Variants in STOM observed in about 807,000 individuals in gnomAD.
STOM encodes the protein erythrocyte band 7 integral membrane protein.
In STOM, 25 loss-of-function variants were observed where a neutral mutation model predicts 30.6. The ratio of observed to expected loss-of-function variants is 0.82; its 90% CI spans 0.60 to 1.14. The LOEUF (loss-of-function observed/expected upper bound fraction) is 1.14, where lower values mean the gene tolerates loss of function less well. Ranked by LOEUF, STOM falls within the 50% of genes most tolerant of loss-of-function variation. The probability of loss-of-function intolerance (pLI) is 0.00; values close to 1 mark genes in which losing one functional copy is unlikely to be tolerated. For missense variants in STOM, 292 were observed against 365.2 expected, an observed-to-expected ratio of 0.80 and a Z score of 1.63; for synonymous variants, 118 against 130.8, an observed-to-expected ratio of 0.90 and a Z score of 0.67.
chr9:121,363,998 G>GT (rs1484836319), intron 1 of STOM, among the ~76,000 whole-genome samples: 1 of 152,074 alleles, frequency 6.6e-6, no homozygotes, highest in Non-Finnish European at 1.5e-5. Context: ...CTATAACTAA[G>GT]TTTTTCAAAT....
rs373037666 is a variant in STOM, at chr9:121,341,657, G to A, written c.661-249C>T. ...CTATAGCCTTTCTCCCATTTTCCAG[G>A]GTAACAAACAAAGGGATAATTCAAA... On this transcript the variant is annotated intron_variant, in intron 6 of 6. Transcript: ENST00000286713. Among the ~76,000 whole-genome samples the A allele has an allele frequency of 2.0e-5, 3 of 152,034 alleles. No individual in the cohort carries two copies. In the South Asian group the frequency reaches 6.2e-4, roughly 32 times the overall value.
chr9:121,360,026 TC>T (rs2064434994), intron 1 of STOM, among the ~76,000 whole-genome samples: 1 of 152,242 alleles, frequency 6.6e-6, no homozygotes, highest in Non-Finnish European at 1.5e-5. Flanking sequence ...TACTTATTTA[TC>T]TGACAGCATT....
rs1020063189 is a variant in STOM at position 121,370,232 on chromosome 9, C to A, written c.-45G>T. 3 of 1,530,228 alleles carry A rather than the reference C, an allele frequency of 2.0e-6. No individual in the cohort carries two copies. The highest frequency in any genetic ancestry group is 2.7e-5 in the African/African-American group (2 of 72,766). 94.8% of individuals were successfully genotyped at this position (1,530,228 alleles called of 1,614,324 possible). A position where few individuals can be genotyped will look rare whatever the true frequency, so the allele number is the denominator to read the frequency against. ...CACTCCCCCGTCCTCGTTGCCAAAC[C>A]CGGAGCCGCCGGGAATGCCCTGAGG... On this transcript the variant is annotated 5_prime_UTR_variant, in exon 1 of 7. Transcript: ENST00000286713.
intron 6 of STOM, among the ~76,000 whole-genome samples, chr9:121,347,617 C>A (rs970368874): frequency 6.6e-6 from 1 of 152,160 alleles, no homozygotes; most frequent in African/African-American, 2.4e-5. Flanking sequence ...GAAGTTGGAA[C>A]TGTTAATTTG....
In STOM at chr9:121,356,166, AC is replaced by A. The variant is rs1209284583; in HGVS notation, c.62-11del. ...CCCTTACTGGGGCTGTCTGTTGAAA[AC>A]AAAAAATATACAACTCTCACAACTG... On this transcript the variant is annotated splice_polypyrimidine_tract_variant and intron_variant, in intron 1 of 6. Coordinates refer to ENST00000286713, the MANE Select transcript of STOM (RefSeq NM_004099.6). 4.3e-6 allele frequency: 7 copies of A among 1,610,178 alleles called. No individual in the cohort carries two copies. The highest frequency in any genetic ancestry group is 5.1e-6 in the Non-Finnish European group (6 of 1,177,308).
chr9:121,356,063 A>C lies in STOM; in HGVS notation c.155T>G (p.Met52Arg). The C allele has an allele frequency of 6.2e-7, 1 of 1,613,930 alleles. No individual in the cohort carries two copies. The highest frequency in any genetic ancestry group is 2.2e-5 in the East Asian group (1 of 44,882). ...TGAAATGTTCTTTACCTTTATGCAC[A>C]TCCATATTGAGATTGGGAAAGTTAT... ...TVITFPISIW[M>R]CIKIIKEYER... Residue 52 changes from methionine to arginine, a missense_variant, in exon 2 of 7, where the codon ATG (methionine) becomes AGG (arginine). Met to Arg is a moderately conservative substitution (Grantham distance 91, BLOSUM62 -1). Transcript: ENST00000286713.
intron 6 of STOM, among the ~76,000 whole-genome samples, chr9:121,347,223 TC>T (rs1305887535): frequency 6.6e-6 from 1 of 152,226 alleles, no homozygotes; most frequent in Non-Finnish European, 1.5e-5. Context: ...AATGACTAGT[TC>T]CCTGAACTGC....
intron 1 of STOM, 43 bp downstream of exon 1, chr9:121,370,084 G>A: frequency 3.3e-6 from 5 of 1,500,970 alleles, no homozygotes; most frequent in Non-Finnish European, 4.5e-6. Context: ...GCTGCGGGCG[G>A]GGGCTCGGTC....
In STOM at chr9:121,340,298, TTAGAG is replaced by T. The variant is rs1305471958; in HGVS notation, c.*899_*903del. On this transcript the variant is annotated 3_prime_UTR_variant, in exon 7 of 7. Coordinates refer to ENST00000286713, the MANE Select transcript of STOM (RefSeq NM_004099.6). The stretch of plus-strand genomic sequence containing the variant: ...AGTGAATTTAAAAGTCTTTTAAGGG[TTAGAG>T]TAATCTTTTTCATTAGTCTTGGCTA... 1.0e-6 allele frequency: 1 copy of T among 985,400 alleles called. No homozygotes were observed. The highest frequency in any genetic ancestry group is 1.7e-5 in the African/African-American group (1 of 57,338). 61.0% of individuals were successfully genotyped at this position (985,400 alleles called of 1,614,324 possible). A position where few individuals can be genotyped will look rare whatever the true frequency, so the allele number is the denominator to read the frequency against.
chr9:121,340,855 C>T lies in STOM; in HGVS notation c.*347G>A, dbSNP rs1247232853. On this transcript the variant is annotated 3_prime_UTR_variant, in exon 7 of 7. Transcript: ENST00000286713. ...TTCTGCAAAGCATTTAGCCAGTCAG[C>T]GGTGTCAGGTGGCAGTTACAGCCCA... The T allele has an allele frequency of 1.9e-5, 21 of 1,117,464 alleles. No individual in the cohort carries two copies. Among genetic ancestry groups the T allele is most frequent in the Non-Finnish European group, 1.2e-5 (11 of 908,516 alleles). 69.2% of individuals were successfully genotyped at this position (1,117,464 alleles called of 1,614,324 possible).
At chr9:121,344,464 A>T (rs2134022276) in intron 6 of STOM, among the ~76,000 whole-genome samples, 1 of 152,298 alleles carries the variant, frequency 6.6e-6, no homozygotes, top group East Asian at 1.9e-4. Flanking sequence ...CATTTTGTTC[A>T]TAGAAAAGCC....
chr9:121,363,572 C>T (rs2064474486), intron 1 of STOM, among the ~76,000 whole-genome samples: 1 of 152,172 alleles, frequency 6.6e-6, no homozygotes, highest in Non-Finnish European at 1.5e-5. Context: ...CACAGCTGTT[C>T]CAATAAAACT....
intron 1 of STOM, among the ~76,000 whole-genome samples, chr9:121,367,734 C>T (rs935156445): frequency 1.3e-5 from 2 of 152,206 alleles, no homozygotes; most frequent in Non-Finnish European, 2.9e-5. Flanking sequence ...TTTTAAAATT[C>T]CACTGCTTCT....
chr9:121,367,680 C>T (rs1284661414), intron 1 of STOM, among the ~76,000 whole-genome samples: 1 of 152,222 alleles, frequency 6.6e-6, no homozygotes, highest in Non-Finnish European at 1.5e-5. Context: ...TATTTACCTA[C>T]CTAGGACTAA....
chr9:121,369,561 G>A lies in STOM; in HGVS notation c.61+566C>T, dbSNP rs148622518. 6.5e-3 allele frequency among the ~76,000 whole-genome samples: 988 copies of A among 152,278 alleles called. 5 individuals are homozygous for A. Among genetic ancestry groups the A allele is most frequent in the Non-Finnish European group, 0.011 (747 of 68,022 alleles). On this transcript the variant is annotated intron_variant, in intron 1 of 6. Transcript: ENST00000286713. ...GTTCTCCAAAACGCAGAGGAAAGCGGAGGGGGAAAAATGGGGCAGAAAGTG... is the reference window on the plus strand; with the variant it reads ...GTTCTCCAAAACGCAGAGGAAAGCGAAGGGGGAAAAATGGGGCAGAAAGTG...
In STOM at chr9:121,340,609, G is replaced by T; in HGVS notation, c.*593C>A. ...TAATAATAATACAAAAATTAGCTGG[G>T]CATGGTGGCATGAGCCTGTAATCCC... On this transcript the variant is annotated 3_prime_UTR_variant, in exon 7 of 7. Transcript: ENST00000286713. 1.8e-6 allele frequency: 1 copy of T among 558,624 alleles called. No homozygotes were observed. Among genetic ancestry groups the T allele is most frequent in the Non-Finnish European group, 2.3e-6 (1 of 440,230 alleles). The allele number at this position is 558,624 out of a possible 1,614,324, so 34.6% of individuals were successfully genotyped here. A position where few individuals can be genotyped will look rare whatever the true frequency, so the allele number is the denominator to read the frequency against.
At chr9:121,363,917 C>G (rs961850163) in intron 1 of STOM, among the ~76,000 whole-genome samples, 2 of 152,154 alleles carry the variant, frequency 1.3e-5, no homozygotes, top group Admixed American at 1.3e-4. Flanking sequence ...ACAAAAACTC[C>G]TGGTGAAAAT....
intron 1 of STOM, among the ~76,000 whole-genome samples, chr9:121,357,424 GAT>G (rs1156937416): frequency 1.0e-4 from 10 of 95,404 alleles, no homozygotes; most frequent in Admixed American, 1.3e-4. Context: ...ATTTTTAAAT[GAT>G]ATATATATAT....
In STOM at chr9:121,356,054, T is replaced by G. The variant is rs772045398; in HGVS notation, c.164A>C (p.Lys55Thr). 1 of 1,613,654 alleles carries G rather than the reference T, an allele frequency of 6.2e-7. No individual in the cohort carries two copies. Among genetic ancestry groups the G allele is most frequent in the South Asian group, 1.1e-5 (1 of 90,984 alleles). Residue 55 changes from lysine to threonine, a missense_variant and splice_region_variant, in exon 2 of 7, where the codon AAG becomes ACG. Lys to Thr is a moderately conservative substitution (Grantham distance 78). Coordinates refer to ENST00000286713, the MANE Select transcript of STOM (RefSeq NM_004099.6). ...TFPISIWMCI[K>T]IIKEYERAII... is the part of the protein sequence containing the mutation. ...AGAAGTGAATGAAATGTTCTTTACC[T>G]TTATGCACATCCATATTGAGATTGG...
Sources: gnomAD v4.1 joint callset for allele counts (sites outside exome capture counted in the v4.1 genomes callset) on GRCh38, gnomAD v4.1.1 for gene constraint, MANE v1.5 for transcripts, NCBI Gene and HGNC (gene_info 2026-07-23, HGNC 2026-07-21) for gene names.